Variants in CTNND2 observed in about 807,000 individuals in gnomAD.
CTNND2 encodes the protein catenin delta 2.
In CTNND2, 22 loss-of-function variants were observed where a neutral mutation model predicts 144.4. That is an observed-to-expected ratio of 0.15 (90% CI 0.11 to 0.22). The LOEUF is 0.22. Among genes scored for constraint, CTNND2 ranks in the 10% least tolerant of loss-of-function variants. The pLI, the probability that CTNND2 is intolerant of heterozygous loss-of-function variation, is 1.00. For missense variants in CTNND2, 1,353 were observed against 1,618.8 expected, an observed-to-expected ratio of 0.84 and a Z score of 2.82; for synonymous variants, 751 against 695.6, an observed-to-expected ratio of 1.08 and a Z score of -1.25.
chr5:11,270,285 A>G lies in CTNND2; in HGVS notation c.1629-33462T>C, dbSNP rs145117497. ...ACACACACATATATAATATATGTAT[A>G]GTTATATAGTTATATAGTTTATATA... is the stretch of plus-strand genomic sequence containing the variant. On this transcript the variant is annotated intron_variant, in intron 9 of 21. Transcript: ENST00000304623. 7.1e-3 allele frequency among the ~76,000 whole-genome samples: 1,080 copies of G among 151,944 alleles called. 8 individuals carry two copies. The highest frequency in any genetic ancestry group is 0.041 in the Middle Eastern group (12 of 294).
At chr5:10,976,655 C>T (rs1310084634) in intron 21 of CTNND2, among the ~76,000 whole-genome samples, 1 of 152,166 alleles carries the variant, frequency 6.6e-6, no homozygotes, top group Non-Finnish European at 1.5e-5. Context: ...ACTTTTTCCT[C>T]AACAGTAGAA....
intron 11 of CTNND2, among the ~76,000 whole-genome samples, chr5:11,173,926 G>C (rs1760200047): frequency 6.6e-6 from 1 of 152,170 alleles, no homozygotes; most frequent in Non-Finnish European, 1.5e-5. Flanking sequence ...CAGAGAACAG[G>C]CTGAAGTGCG....
intron 21 of CTNND2, among the ~76,000 whole-genome samples, chr5:10,978,951 T>C (rs1391169356): frequency 6.6e-6 from 1 of 152,216 alleles, no homozygotes; most frequent in Non-Finnish European, 1.5e-5. Context: ...GCAAGCAGTC[T>C]TTTGGAACCT....
At chr5:11,183,125 TTTATA>T (rs1317879806) in intron 11 of CTNND2, among the ~76,000 whole-genome samples, 2 of 152,226 alleles carry the variant, frequency 1.3e-5, no homozygotes, top group Non-Finnish European at 2.9e-5. Flanking sequence ...CAATGTGAAG[TTTATA>T]CATGACAAAA....
At chr5:11,640,741 G>C (rs1300236164) in intron 2 of CTNND2, among the ~76,000 whole-genome samples, 1 of 152,158 alleles carries the variant, frequency 6.6e-6, no homozygotes, top group East Asian at 1.9e-4. Flanking sequence ...CACTCTGTTA[G>C]CAGTCACCTT....
intron 3 of CTNND2, among the ~76,000 whole-genome samples, chr5:11,516,019 A>G (rs939247405): frequency 9.2e-5 from 14 of 152,034 alleles, no homozygotes; most frequent in African/African-American, 3.1e-4. Flanking sequence ...GTTGGGGGAG[A>G]CTGCTTGAGC....
At chr5:11,831,294 G>C (rs934067415) in intron 1 of CTNND2, among the ~76,000 whole-genome samples, 1 of 151,202 alleles carries the variant, frequency 6.6e-6, no homozygotes, top group Non-Finnish European at 1.5e-5. Flanking sequence ...GACTTATACT[G>C]CCTCAATCAA....
chr5:11,845,341 A>G (rs1291289441), intron 1 of CTNND2, among the ~76,000 whole-genome samples: 1 of 152,188 alleles, frequency 6.6e-6, no homozygotes, highest in African/African-American at 2.4e-5. Context: ...GCTGATATGG[A>G]CTATATTATG....
chr5:11,403,231 T>C (rs1003991166), intron 5 of CTNND2, among the ~76,000 whole-genome samples: 1 of 152,102 alleles, frequency 6.6e-6, no homozygotes. Flanking sequence ...GGGCCTTGTA[T>C]GTGATGTTCC....
intron 7 of CTNND2, among the ~76,000 whole-genome samples, chr5:11,370,010 C>G (rs1251423228): frequency 6.6e-6 from 1 of 152,084 alleles, no homozygotes; most frequent in Non-Finnish European, 1.5e-5. Context: ...GAAATCTTTA[C>G]GAGTTCATAC....
At chr5:11,397,261 T>C (rs774036042) in intron 5 of CTNND2, 58 bp from the exon 6 acceptor site, 10 of 1,480,460 alleles carry the variant, frequency 6.8e-6, no homozygotes, top group Admixed American at 1.8e-5. Context: ...AGAAATGACA[T>C]GTATTATTTA....
intron 1 of CTNND2, among the ~76,000 whole-genome samples, chr5:11,875,595 G>A (rs771371480): frequency 4.6e-4 from 70 of 152,180 alleles, no homozygotes; most frequent in Non-Finnish European, 5.9e-4. Flanking sequence ...GGATTTTACC[G>A]TCCGTATAGC....
chr5:11,636,572 C>T (rs1207788079), intron 2 of CTNND2, among the ~76,000 whole-genome samples: 3 of 152,172 alleles, frequency 2.0e-5, no homozygotes, highest in South Asian at 4.1e-4. Flanking sequence ...ATTTCTATCC[C>T]CTCCTGATGA....
rs1785364161 is a variant in CTNND2, at chr5:11,700,250, G to C, written c.174+31886C>G. On this transcript the variant is annotated intron_variant, in intron 2 of 21. Transcript: ENST00000304623. ...ACTAAAAATACAAGAAAAATTAGCTGGGCTTGGGGGCACACTGTAGTTTCA... is the reference window on the plus strand; with the variant it reads ...ACTAAAAATACAAGAAAAATTAGCTCGGCTTGGGGGCACACTGTAGTTTCA... 3.3e-5 allele frequency among the ~76,000 whole-genome samples: 5 copies of C among 152,052 alleles called. No homozygotes were observed. The South Asian group carries it at 1.0e-3, about 32-fold the overall frequency.
At chr5:10,986,007 G>A (rs1044154878) in intron 20 of CTNND2, among the ~76,000 whole-genome samples, 2 of 152,116 alleles carry the variant, frequency 1.3e-5, no homozygotes, top group African/African-American at 4.8e-5. Context: ...GCACCCATTG[G>A]CTTTAGAGGA....
chr5:11,766,237 G>C (rs1230993566), intron 1 of CTNND2, among the ~76,000 whole-genome samples: 1 of 152,168 alleles, frequency 6.6e-6, no homozygotes, highest in African/African-American at 2.4e-5. Context: ...ACATTCCATA[G>C]GGATAATAAT....
chr5:11,466,786 C>A (rs61757535), intron 3 of CTNND2, among the ~76,000 whole-genome samples: 2,931 of 152,258 alleles, frequency 0.019, 103 homozygotes, highest in African/African-American at 0.067. Flanking sequence ...CATCTCCTGC[C>A]TTTTATCTTC....
intron 3 of CTNND2, among the ~76,000 whole-genome samples, chr5:11,503,546 C>A (rs1179742603): frequency 6.6e-6 from 1 of 152,176 alleles, no homozygotes; most frequent in Non-Finnish European, 1.5e-5. Flanking sequence ...ATTAATCAAT[C>A]AATGCATCTT....
intron 1 of CTNND2, among the ~76,000 whole-genome samples, chr5:11,818,003 T>C (rs1202870174): frequency 7.1e-4 from 82 of 116,038 alleles, no homozygotes; most frequent in African/African-American, 2.3e-3. Flanking sequence ...TTTTTTTTTT[T>C]TCAGTTCTCC....
Sources: gnomAD v4.1 joint callset for allele counts (sites outside exome capture counted in the v4.1 genomes callset) on GRCh38, gnomAD v4.1.1 for gene constraint, MANE v1.5 for transcripts, NCBI Gene and HGNC (gene_info 2026-07-23, HGNC 2026-07-21) for gene names.